SETD2: variants seen among roughly 807,000 people sequenced by gnomAD.
SETD2 encodes the protein histone-lysine N-methyltransferase SETD2.
In SETD2, 31 loss-of-function variants were observed where a neutral mutation model predicts 242.1. The ratio of observed to expected loss-of-function variants is 0.13; its 90% confidence interval spans 0.10 to 0.17. The LOEUF is 0.17. Ranked by LOEUF, SETD2 falls within the 10% of genes least tolerant of loss-of-function variation. The pLI, the probability that SETD2 is intolerant of heterozygous loss-of-function variation, is 1.00. For missense variants in SETD2, 2,481 were observed against 3,046.3 expected, an observed-to-expected ratio of 0.81 and a Z score of 4.37; for synonymous variants, 1,006 against 1,066.5, an observed-to-expected ratio of 0.94 and a Z score of 1.11.
At chr3:47,117,636 C>T (rs538125160) in intron 3 of SETD2, among the ~76,000 whole-genome samples, 1 of 152,298 alleles carries the variant, frequency 6.6e-6, no homozygotes, top group African/African-American at 2.4e-5. Flanking sequence ...AGTAACATCA[C>T]ATCTGCATAA....
intron 15 of SETD2, among the ~76,000 whole-genome samples, chr3:47,049,957 TAC>T (rs887239213): frequency 8.9e-5 from 13 of 146,770 alleles, no homozygotes; most frequent in Non-Finnish European, 1.6e-4. Context: ...TATATATTTG[TAC>T]ATATATTTAT....
At chr3:47,055,536 A>T (rs1234879401) in intron 15 of SETD2, among the ~76,000 whole-genome samples, 1 of 151,684 alleles carries the variant, frequency 6.6e-6, no homozygotes, top group East Asian at 1.9e-4. Context: ...GTGAGACCGC[A>T]TCTCTTAAAA....
intron 1 of SETD2, among the ~76,000 whole-genome samples, chr3:47,156,505 T>G (rs1194177539): frequency 2.6e-5 from 4 of 152,180 alleles, no homozygotes; most frequent in Non-Finnish European, 5.9e-5. Context: ...GAGAATGGTA[T>G]GCCTAAAATG....
At chr3:47,063,201 T>C (rs2040415617) in intron 13 of SETD2, among the ~76,000 whole-genome samples, 1 of 152,148 alleles carries the variant, frequency 6.6e-6, no homozygotes, top group East Asian at 1.9e-4. Flanking sequence ...TGTGGACTTG[T>C]GCAGTTCAAA....
intron 16 of SETD2, among the ~76,000 whole-genome samples, chr3:47,043,106 T>C (rs1002061140): frequency 1.3e-5 from 2 of 151,530 alleles, no homozygotes; most frequent in Admixed American, 1.3e-4. Flanking sequence ...ACATTATCCA[T>C]TATATTTTTT....
At position 47,123,244 on chromosome 3, in the gene SETD2, CTCT is replaced by C. The variant is rs767615152; in HGVS notation, c.1389_1391del (p.Glu464del). The C allele has an allele frequency of 3.2e-6, 5 of 1,555,534 alleles. No homozygotes were observed. In the South Asian group the frequency reaches 3.5e-5, roughly 11 times the overall value. On this transcript the variant is annotated inframe_deletion, in exon 3 of 21. Coordinates refer to ENST00000409792, the MANE Select transcript of SETD2 (RefSeq NM_014159.7). ...TACGCCTTGAGTATGTCTTCTTATA[CTCT>C]TCTTCTGAGTCAGAACTCTCTCGTG...
chr3:47,037,757 G>A lies in SETD2; in HGVS notation c.7259C>T (p.Pro2420Leu), dbSNP rs1329961934. The A allele has an allele frequency of 6.2e-7, 1 of 1,613,586 alleles. No individual in the cohort carries two copies. The highest frequency in any genetic ancestry group is 1.1e-5 in the South Asian group (1 of 91,068). Residue 2420 changes from proline to leucine, a missense_variant, in exon 18 of 21, where the codon CCT (proline) becomes CTT (leucine). Physicochemically the swap from Pro to Leu is moderately conservative, Grantham distance 98 (BLOSUM62 -3). Around this residue, in one of 17 missense-constraint regions of SETD2, gnomAD observed 235 missense variants for 293.9 expected, o/e 0.80. Coordinates refer to ENST00000409792, the MANE Select transcript of SETD2 (RefSeq NM_014159.7). ...VITRQTQWDPPTWESPGDDAS... is the reference protein window; with the variant it reads ...VITRQTQWDPLTWESPGDDAS... Reference sequence around the variant, plus strand: ...ATCATCTCCTGGGCTTTCCCAAGTAGGAGGATCCCACTGAGTCTGCCTAGA... The same window carrying A: ...ATCATCTCCTGGGCTTTCCCAAGTAAGAGGATCCCACTGAGTCTGCCTAGA...
intron 5 of SETD2, among the ~76,000 whole-genome samples, chr3:47,108,836 T>G (rs1417284222): frequency 6.6e-6 from 1 of 152,124 alleles, no homozygotes; most frequent in African/African-American, 2.4e-5. Context: ...TATCATGCAG[T>G]CCTTAAAACT....
chr3:47,122,948 A>G lies in SETD2; in HGVS notation c.1688T>C (p.Ile563Thr), dbSNP rs202178837. The change falls in exon 3 of 21, where the codon ATA becomes ACA. Residue 563 changes from isoleucine (I) to threonine (T), a missense_variant. Physicochemically the swap from Ile to Thr is moderately conservative, Grantham distance 89 (BLOSUM62 -1). Around this residue, in one of 17 missense-constraint regions of SETD2, gnomAD observed 1,300 missense variants for 1,259.2 expected, o/e 1.03. Coordinates refer to ENST00000409792, the MANE Select transcript of SETD2 (RefSeq NM_014159.7). ...SRYKSTLSKP[I>T]PKSDKFKNSF... ...ATTTTTAAATTTATCAGACTTGGGT[A>G]TAGGTTTTGAAAGGGTAGATTTATA... 9.3e-6 allele frequency: 15 copies of G among 1,613,398 alleles called. No homozygotes were observed. In the Middle Eastern group the frequency reaches 5.0e-4, roughly 53 times the overall value.
intron 6 of SETD2, among the ~76,000 whole-genome samples, chr3:47,104,205 C>T (rs1485896238): frequency 2.0e-5 from 3 of 149,976 alleles, no homozygotes; most frequent in African/African-American, 4.9e-5. Flanking sequence ...AAATGTAAAG[C>T]GATGCAACTC....
At chr3:47,025,611 A>C (rs563146773) in intron 18 of SETD2, among the ~76,000 whole-genome samples, 4 of 152,248 alleles carry the variant, frequency 2.6e-5, no homozygotes, top group African/African-American at 9.6e-5. Context: ...TCACCAAACC[A>C]AATTATTTTT....
Position 47,084,040 on chromosome 3 carries a change from T to A in SETD2, c.5740A>T (p.Asn1914Tyr). The stretch of plus-strand genomic sequence containing the variant: ...TCTTCCTCTTCCTCTACAGGGACAT[T>A]TTCTAATTGATCAAGATCCTCTTTG... Reference protein sequence around the residue: ...DGKEDLDQLENVPVEEEEELQ... With the variant: ...DGKEDLDQLEYVPVEEEEELQ... Residue 1914 changes from asparagine to tyrosine, a missense_variant, in exon 12 of 21, where the codon AAT (asparagine) becomes TAT (tyrosine). Asn to Tyr is a moderately radical substitution (Grantham distance 143, BLOSUM62 -2). This residue lies in a region of SETD2 where 203 missense variants were observed against 222.4 expected (regional missense o/e 0.91). Coordinates refer to ENST00000409792, the MANE Select transcript of SETD2 (RefSeq NM_014159.7). The A allele has an allele frequency of 1.2e-6, 2 of 1,614,178 alleles. No individual in the cohort carries two copies. Among genetic ancestry groups the A allele is most frequent in the Non-Finnish European group, 1.7e-6 (2 of 1,180,022 alleles).
At chr3:47,125,084 C>T (rs544242309) in intron 2 of SETD2, among the ~76,000 whole-genome samples, 2 of 151,980 alleles carry the variant, frequency 1.3e-5, no homozygotes, top group African/African-American at 4.8e-5. Flanking sequence ...CTTGGGAGGC[C>T]GAGGCGGGAG....
chr3:47,153,896 A>AT (rs891082403), intron 1 of SETD2, among the ~76,000 whole-genome samples: 4 of 152,178 alleles, frequency 2.6e-5, no homozygotes, highest in African/African-American at 9.7e-5. Flanking sequence ...ATAAGTACAG[A>AT]TTTTTTAAAA....
intron 1 of SETD2, among the ~76,000 whole-genome samples, chr3:47,142,186 T>A (rs1297600764): frequency 6.6e-6 from 1 of 152,164 alleles, no homozygotes; most frequent in African/African-American, 2.4e-5. Flanking sequence ...TTCAAAAAGT[T>A]CTAATTACGA....
rs2107549489 is a variant in SETD2, at chr3:47,046,558, C to T, written c.7027G>A (p.Gly2343Arg). The change falls in exon 16 of 21, where the codon GGA becomes AGA. Residue 2343 changes from glycine to arginine, a missense_variant. By Grantham distance (125) the Gly-to-Arg change is moderately radical. This residue lies in a region of SETD2 where 235 missense variants were observed against 293.9 expected (regional missense o/e 0.80). Transcript: ENST00000409792. ...GQQIFTAHPQGVVVQPAAAVT... is the reference protein window; with the variant it reads ...GQQIFTAHPQRVVVQPAAAVT... ...GCTGCGGCTGGCTGTACCACCACTC[C>T]TTGTGGATGAGCTGTGAAAATCTGT... The T allele has an allele frequency of 6.2e-7, 1 of 1,613,400 alleles. No individual in the cohort carries two copies. Among genetic ancestry groups the T allele is most frequent in the Non-Finnish European group, 8.5e-7 (1 of 1,179,558 alleles).
intron 12 of SETD2, among the ~76,000 whole-genome samples, chr3:47,082,376 C>T (rs2041355435): frequency 6.6e-6 from 1 of 152,092 alleles, no homozygotes; most frequent in Non-Finnish European, 1.5e-5. Context: ...TCTTCATCTC[C>T]ACCTTCTTAA....
chr3:47,042,782 T>C (rs976804996), intron 16 of SETD2, 82 bp from the exon 17 acceptor site: 48 of 1,228,892 alleles, frequency 3.9e-5, no homozygotes, highest in Non-Finnish European at 5.1e-5. Context: ...CACTTAAATA[T>C]GTAAAAATGT....
intron 1 of SETD2, among the ~76,000 whole-genome samples, chr3:47,158,733 T>G (rs1356182511): frequency 1.3e-5 from 2 of 152,206 alleles, no homozygotes; most frequent in Admixed American, 1.3e-4. Context: ...TTTTTGACTG[T>G]GTTGCAGATT....
Sources: allele counts gnomAD v4.1 joint callset (sites outside exome capture counted in the v4.1 genomes callset), GRCh38; gene constraint gnomAD v4.1.1; regional missense constraint gnomAD v4.1.1; transcripts MANE v1.5; gene names NCBI Gene and HGNC (gene_info 2026-07-23, HGNC 2026-07-21).